RPL28: variants seen among roughly 807,000 people sequenced by gnomAD.
RPL28 encodes large ribosomal subunit protein eL28.
In RPL28, 4 loss-of-function variants were observed where a neutral mutation model predicts 12.5. That is an observed-to-expected ratio of 0.32 (90% CI 0.16 to 0.73). The LOEUF is 0.73. Among genes scored for constraint, RPL28 ranks in the 30% least tolerant of loss-of-function variants. The probability of loss-of-function intolerance (pLI) is 0.66; values close to 1 mark genes in which losing one functional copy is unlikely to be tolerated. For missense variants in RPL28, 214 were observed against 197.7 expected (o/e 1.08, Z -0.49); for synonymous variants, 91 against 72.5 (o/e 1.26, Z -1.30).
chr19:55,387,867 C>G, intron 3 of RPL28, 63 bp from the exon 4 acceptor site: 2 of 1,507,366 alleles, frequency 1.3e-6, no homozygotes, highest in Non-Finnish European at 1.8e-6. Context: ...TCCACACCTG[C>G]GAGGTGTGCT....
In RPL28 at chr19:55,388,745, G is replaced by A; in HGVS notation, c.*413G>A. On this transcript the variant is annotated 3_prime_UTR_variant, in exon 5 of 5. Coordinates refer to ENST00000344063, the MANE Select transcript of RPL28 (RefSeq NM_000991.5). ...GTAGCACGGTTTGGGGACTTGGGGT[G>A]TTCCCAAGACCTGGGGGACGACAGA... 9.8e-7 allele frequency: 1 copy of A among 1,015,694 alleles called. No homozygotes were observed. The allele number at this position is 1,015,694 out of a possible 1,614,324, so 62.9% of individuals were successfully genotyped here.
chr19:55,387,022 A>C, intron 3 of RPL28: 1 of 1,441,822 alleles, frequency 6.9e-7, no homozygotes. Context: ...GTTTCATCCC[A>C]CAGGTGGGAA....
At chr19:55,392,537 C>CT (rs377688364), downstream of RPL28, among the ~76,000 whole-genome samples, 14,153 of 144,942 alleles carry the variant, frequency 0.098, 922 homozygotes, top group African/African-American at 0.19. Context: ...CCAGCCTCAT[C>CT]TTTTTTTTTT....
At chr19:55,394,263 A>AAAAC (rs903737073), downstream of RPL28, among the ~76,000 whole-genome samples, 8 of 152,264 alleles carry the variant, frequency 5.3e-5, no homozygotes, top group South Asian at 2.1e-4. Flanking sequence ...CTCCGTCTCA[A>AAAAC]AAACAAACAA....
At chr19:55,397,107 T>G (rs536726473) in intron 4 of RPL28, among the ~76,000 whole-genome samples, 82 of 151,842 alleles carry the variant, frequency 5.4e-4, no homozygotes, top group Admixed American at 5.3e-3. Context: ...CTCGAACTTG[T>G]GAGCTCAAGC....
chr19:55,388,185 C>G (rs1234579539), intron 4 of RPL28, 58 bp from the exon 5 acceptor site: 5 of 1,518,288 alleles, frequency 3.3e-6, no homozygotes, highest in Middle Eastern at 3.5e-4. Flanking sequence ...CAGCATTGGC[C>G]TAGGGGGCGG....
At chr19:55,397,584 G>C (rs1263117699) in intron 4 of RPL28, among the ~76,000 whole-genome samples, 1 of 152,022 alleles carries the variant, frequency 6.6e-6, no homozygotes, top group Non-Finnish European at 1.5e-5. Flanking sequence ...GTTTCACCGT[G>C]TTAGCCAGGA....
chr19:55,388,282 A>C lies in RPL28; in HGVS notation c.364A>C (p.Lys122Gln), dbSNP rs1477344230. The C allele has an allele frequency of 1.9e-6, 3 of 1,584,792 alleles. No homozygotes were observed. The highest frequency in any genetic ancestry group is 2.6e-6 in the Non-Finnish European group (3 of 1,165,974). The change falls in exon 5 of 5, where the codon AAG becomes CAG. Residue 122 changes from lysine (K) to glutamine (Q), a missense_variant. Lys to Gln is a moderately conservative substitution (Grantham distance 53). Transcript: ENST00000344063. ...RRASAILRSQ[K>Q]PVMVKRKRTR... ...GGCCAGCGCCATCCTGCGCAGCCAG[A>C]AGCCTGTGATGGTGAAGAGGAAGCG...
At chr19:55,396,426 G>A (rs1569045480), downstream of RPL28, among the ~76,000 whole-genome samples, 4 of 145,984 alleles carry the variant, frequency 2.7e-5, no homozygotes, top group African/African-American at 2.5e-5. Context: ...AACCACCCAA[G>A]TATTCAACCC....
rs1305902401 is a variant in RPL28, at chr19:55,390,045, A to G, written c.*1713A>G. 5.1e-6 allele frequency: 5 copies of G among 985,470 alleles called. No individual in the cohort carries two copies. Among genetic ancestry groups the G allele is most frequent in the Non-Finnish European group, 6.0e-6 (5 of 829,978 alleles). The allele number at this position is 985,470 out of a possible 1,614,324, so 61.0% of individuals were successfully genotyped here. A position where few individuals can be genotyped will look rare whatever the true frequency, so the allele number is the denominator to read the frequency against. On this transcript the variant is annotated 3_prime_UTR_variant, in exon 5 of 5. Coordinates refer to ENST00000344063, the MANE Select transcript of RPL28 (RefSeq NM_000991.5). The stretch of plus-strand genomic sequence containing the variant: ...CTGGCACCTGCTTCAGTTGTCCTCC[A>G]CAGCACTGATTTGCAGCCCACAAGC...
chr19:55,402,807 A>G, intron 4 of RPL28: 1 of 680,908 alleles, frequency 1.5e-6, no homozygotes, highest in Non-Finnish European at 2.4e-6. Flanking sequence ...TACATGTGGG[A>G]GGGAAGGGTT....
At chr19:55,403,042 T>A in exon 5 of RPL28, 1 of 1,461,122 alleles carries the variant, frequency 6.8e-7, no homozygotes, top group Non-Finnish European at 9.3e-7. Context: ...CAGGTCATTC[T>A]GTGTCATGGA....
chr19:55,402,657 C>T (rs891925690), intron 4 of RPL28, among the ~76,000 whole-genome samples: 3 of 152,228 alleles, frequency 2.0e-5, no homozygotes, highest in African/African-American at 4.8e-5. Flanking sequence ...CATCACTGCA[C>T]CCAAACTGCA....
rs1399515206 is a variant in RPL28 at position 55,401,901 on chromosome 19, TCCTC to T, written c.325-1037_325-1034del. On this transcript the variant is annotated intron_variant, in intron 4 of 4. Coordinates refer to the RPL28 transcript ENST00000560055. ...AGATCCAGGCCCCACCTATGCTGCA[TCCTC>T]CCTCATCTTTGCTCCTGTCTCCCTC... 15 of 764,342 alleles carry T rather than the reference TCCTC, an allele frequency of 2.0e-5. No homozygotes were observed. The African/African-American group carries it at 5.1e-4, about 26-fold the overall frequency. 47.3% of individuals were successfully genotyped at this position (764,342 alleles called of 1,614,324 possible).
chr19:55,386,843 C>T (rs369623186), intron 3 of RPL28, 150 bp downstream of exon 3: 5 of 1,565,882 alleles, frequency 3.2e-6, no homozygotes, highest in East Asian at 4.8e-5. Flanking sequence ...GCTTCCCTCT[C>T]GGCCGACTTG....
downstream of RPL28, among the ~76,000 whole-genome samples, chr19:55,395,081 T>C (rs920663732): frequency 5.3e-5 from 8 of 152,084 alleles, no homozygotes; most frequent in South Asian, 6.2e-4. Context: ...GGAAGGAGAG[T>C]TGGAATACCA....
intron 3 of RPL28, chr19:55,387,079 G>C: frequency 7.1e-7 from 1 of 1,417,824 alleles, no homozygotes. Flanking sequence ...CACTTAGGAG[G>C]GGACAGGCTG....
Position 55,391,338 on chromosome 19 carries a change from G to A in RPL28, c.*3006G>A, listed in dbSNP as rs1156527499. On this transcript the variant is annotated 3_prime_UTR_variant, in exon 5 of 5. Coordinates refer to ENST00000344063, the MANE Select transcript of RPL28 (RefSeq NM_000991.5). The stretch of plus-strand genomic sequence containing the variant: ...AGCACCGTGCCTCAGTTTCCCATAT[G>A]TAAAAGGCCATTTTGAGTGCCTTTC... 23 of 1,046,294 alleles carry A rather than the reference G, an allele frequency of 2.2e-5. No individual in the cohort carries two copies. Among genetic ancestry groups the A allele is most frequent in the Admixed American group, 4.2e-5 (1 of 23,786 alleles). 64.8% of individuals were successfully genotyped at this position (1,046,294 alleles called of 1,614,324 possible). A position where few individuals can be genotyped will look rare whatever the true frequency, so the allele number is the denominator to read the frequency against.
At chr19:55,394,352 T>C (rs2090009681), downstream of RPL28, among the ~76,000 whole-genome samples, 1 of 152,078 alleles carries the variant, frequency 6.6e-6, no homozygotes, top group Non-Finnish European at 1.5e-5. Flanking sequence ...CTTGAACTCC[T>C]GGGCTCAAAC....
Sources: gnomAD v4.1 joint callset for allele counts (sites outside exome capture counted in the v4.1 genomes callset) on GRCh38, gnomAD v4.1.1 for gene constraint, MANE v1.5 for transcripts, NCBI Gene and HGNC (gene_info 2026-07-23, HGNC 2026-07-21) for gene names.